MIA3: variants seen among roughly 807,000 people sequenced by gnomAD.
MIA3 encodes the protein MIA SH3 domain ER export factor 3.
Under a neutral mutation model 192.4 loss-of-function variants are expected in MIA3, and 90 were observed. The ratio of observed to expected loss-of-function variants is 0.47; its 90% CI spans 0.39 to 0.56. The LOEUF (loss-of-function observed/expected upper bound fraction) is 0.56, where lower values mean the gene tolerates loss of function less well. Among genes scored for constraint, MIA3 ranks in the 20% least tolerant of loss-of-function variants. The pLI, the probability that MIA3 is intolerant of heterozygous loss-of-function variation, is 0.00. For missense variants in MIA3, 2,123 were observed against 2,269.4 expected, an observed-to-expected ratio of 0.94 and a Z score of 1.31; for synonymous variants, 740 against 792.8, an observed-to-expected ratio of 0.93 and a Z score of 1.12.
At chr1:222,635,830 A>G (rs1662599137) in intron 6 of MIA3, among the ~76,000 whole-genome samples, 1 of 152,100 alleles carries the variant, frequency 6.6e-6, no homozygotes, top group Non-Finnish European at 1.5e-5. Flanking sequence ...TAACCCTGCC[A>G]TTTTGGGACC....
Position 222,627,952 on chromosome 1 carries a change from A to G in MIA3, c.732A>G (p.Glu244=), listed in dbSNP as rs1485737049. 1.2e-6 allele frequency: 2 copies of G among 1,614,130 alleles called. No homozygotes were observed. Among genetic ancestry groups the G allele is most frequent in the East Asian group, 2.2e-5 (1 of 44,884 alleles). Residue 244 remains glutamate, a synonymous_variant, in exon 4 of 28, where the codon GAA becomes GAG. Coordinates refer to ENST00000344922, the MANE Select transcript of MIA3 (RefSeq NM_198551.4). ...LQDKLKVPES[E]NNKTSNSSQV... ...ATAAACTAAAAGTGCCAGAAAGTGA[A>G]AACAACAAAACCAGCAATAGTTCTC...
intron 26 of MIA3, 194 bp downstream of exon 26, chr1:222,662,526 A>G (rs749294747): frequency 2.9e-6 from 4 of 1,386,000 alleles, no homozygotes; most frequent in Non-Finnish European, 3.8e-6. Flanking sequence ...AGCGTCCAGT[A>G]GCAGTAAGTA....
intron 6 of MIA3, 43 bp downstream of exon 6, chr1:222,633,292 TAC>T: frequency 2.7e-6 from 4 of 1,496,650 alleles, no homozygotes; most frequent in Non-Finnish European, 3.7e-6. Flanking sequence ...TGTTGATTAT[TAC>T]AGTTTTTAAG....
intron 1 of MIA3, among the ~76,000 whole-genome samples, chr1:222,619,095 A>G (rs1389317786): frequency 6.6e-6 from 1 of 152,114 alleles, no homozygotes; most frequent in Non-Finnish European, 1.5e-5. Context: ...CCAGTCTGGG[A>G]TTGGAGGTGG....
At chr1:222,648,109 C>T (rs1244216611) in intron 7 of MIA3, among the ~76,000 whole-genome samples, 1 of 151,938 alleles carries the variant, frequency 6.6e-6, no homozygotes, top group Non-Finnish European at 1.5e-5. Context: ...TTTTCTTGTC[C>T]TATAATTTAG....
At chr1:222,619,912 C>T (rs938694141) in intron 1 of MIA3, among the ~76,000 whole-genome samples, 5 of 152,174 alleles carry the variant, frequency 3.3e-5, no homozygotes, top group African/African-American at 1.2e-4. Flanking sequence ...AGCTGTTCCA[C>T]AGGGTGCATT....
intron 2 of MIA3, 102 bp downstream of exon 2, chr1:222,621,394 A>G (rs1661850364): frequency 1.7e-6 from 2 of 1,173,726 alleles, no homozygotes; most frequent in Non-Finnish European, 2.4e-6. Flanking sequence ...TGATGGAGTT[A>G]ACTTGTCCTC....
rs535069576 is a variant in MIA3 at position 222,630,436 on chromosome 1, G to A, written c.3169+47G>A. The stretch of plus-strand genomic sequence containing the variant: ...AGAACAGGGCTGGAGAAGCAGGTGG[G>A]TGGGTCGCTGAGGTGCCTCCTATCT... On this transcript the variant is annotated intron_variant, in intron 4 of 27. Coordinates refer to ENST00000344922, the MANE Select transcript of MIA3 (RefSeq NM_198551.4). 6.5e-6 allele frequency: 10 copies of A among 1,530,710 alleles called. No individual in the cohort carries two copies. The East Asian group carries it at 2.0e-4, about 31-fold the overall frequency. 94.8% of individuals were successfully genotyped at this position (1,530,710 alleles called of 1,614,324 possible).
chr1:222,646,722 A>G (rs1663167170), intron 7 of MIA3, among the ~76,000 whole-genome samples: 1 of 152,256 alleles, frequency 6.6e-6, no homozygotes, highest in Non-Finnish European at 1.5e-5. Flanking sequence ...CGACAAAGTG[A>G]GACTCTGTCT....
intron 2 of MIA3, 104 bp downstream of exon 2, chr1:222,621,396 C>T: frequency 8.9e-7 from 1 of 1,127,862 alleles, no homozygotes; most frequent in Non-Finnish European, 1.3e-6. Context: ...ATGGAGTTAA[C>T]TTGTCCTCTC....
At chr1:222,651,721 G>A (rs569862279) in intron 11 of MIA3, among the ~76,000 whole-genome samples, 2 of 151,354 alleles carry the variant, frequency 1.3e-5, no homozygotes, top group South Asian at 2.1e-4. Context: ...TCACCTTTTA[G>A]TCTGGTCATC....
chr1:222,651,692 T>A (rs1247068809), intron 11 of MIA3, among the ~76,000 whole-genome samples: 3 of 152,184 alleles, frequency 2.0e-5, no homozygotes, highest in African/African-American at 7.2e-5. Flanking sequence ...ACTTAAAAGT[T>A]TTTTCAGTTT....
At chr1:222,652,360 T>C (rs1663485612) in intron 13 of MIA3, 28 bp downstream of exon 13, 1 of 1,454,880 alleles carries the variant, frequency 6.9e-7, no homozygotes, top group South Asian at 1.1e-5. Context: ...TCCCAGGTCA[T>C]GTAAAATAGA....
At chr1:222,646,644 T>A (rs1002031587) in intron 7 of MIA3, among the ~76,000 whole-genome samples, 1 of 151,156 alleles carries the variant, frequency 6.6e-6, no homozygotes, top group African/African-American at 2.4e-5. Context: ...CCCAGCTACT[T>A]GGGAGGCTGA....
rs1663891575 is a variant in MIA3, at chr1:222,659,376, T to G, written c.4710-77T>G. 1.0e-5 allele frequency: 13 copies of G among 1,297,612 alleles called. No homozygotes were observed. The South Asian group carries it at 1.3e-4, about 13-fold the overall frequency. 80.4% of individuals were successfully genotyped at this position (1,297,612 alleles called of 1,614,324 possible). A position where few individuals can be genotyped will look rare whatever the true frequency, so the allele number is the denominator to read the frequency against. ...CTCTATTAGGGTACAGTTGTTAGGG[T>G]AACGGTTAACATAGTCAGATTGTTT... On this transcript the variant is annotated intron_variant, in intron 19 of 27. Coordinates refer to ENST00000344922, the MANE Select transcript of MIA3 (RefSeq NM_198551.4).
At chr1:222,630,415 C>T (rs1436685799) in intron 4 of MIA3, 26 bp downstream of exon 4, 29 of 1,562,808 alleles carry the variant, frequency 1.9e-5, no homozygotes, top group Non-Finnish European at 2.4e-5. Context: ...CCTTGTAGAA[C>T]AGGGCTGGAG....
intron 6 of MIA3, among the ~76,000 whole-genome samples, chr1:222,634,284 G>GCATT (rs1662536709): frequency 6.6e-6 from 1 of 151,956 alleles, no homozygotes; most frequent in Non-Finnish European, 1.5e-5. Flanking sequence ...TCGTGCCACT[G>GCATT]CATTCCAGCC....
rs1341806749 is a variant in MIA3, at chr1:222,665,664, A to G, written c.*45A>G. Reference sequence around the variant, plus strand: ...TCATTGGAAAGAAAGTGTACTGTGCATTATCCATTACAGTAAAGGATTTCA... The same window carrying G: ...TCATTGGAAAGAAAGTGTACTGTGCGTTATCCATTACAGTAAAGGATTTCA... On this transcript the variant is annotated 3_prime_UTR_variant, in exon 28 of 28. Coordinates refer to ENST00000344922, the MANE Select transcript of MIA3 (RefSeq NM_198551.4). The G allele has an allele frequency of 1.4e-6, 2 of 1,430,332 alleles. No homozygotes were observed. Among genetic ancestry groups the G allele is most frequent in the Non-Finnish European group, 9.4e-7 (1 of 1,066,370 alleles). The allele number at this position is 1,430,332 out of a possible 1,614,324, so 88.6% of individuals were successfully genotyped here.
In MIA3 at chr1:222,629,273, G is replaced by A. The variant is rs1458065635; in HGVS notation, c.2053G>A (p.Asp685Asn). 1 of 1,614,198 alleles carries A rather than the reference G, an allele frequency of 6.2e-7. No individual in the cohort carries two copies. The highest frequency in any genetic ancestry group is 1.1e-5 in the South Asian group (1 of 91,084). Residue 685 changes from aspartate (D) to asparagine (N), a missense_variant, in exon 4 of 28, where the codon GAC becomes AAC. Transcript: ENST00000344922. ...GCTCTCTGAGGGAGAAGCCAAAGAG[G>A]ACTCCTTGGATGAAGAGTTTTTTCA... ...IRLSEGEAKE[D>N]SLDEEFFHHK...
Sources: gnomAD v4.1 joint callset for allele counts (sites outside exome capture counted in the v4.1 genomes callset) on GRCh38, gnomAD v4.1.1 for gene constraint, MANE v1.5 for transcripts, NCBI Gene and HGNC (gene_info 2026-07-23, HGNC 2026-07-21) for gene names.